The following CPQ variants were observed in gnomAD, a reference collection of about 807,000 sequenced individuals.
The protein encoded by CPQ is carboxypeptidase Q, also known as Ser-Met dipeptidase.
CPQ carries 37 observed loss-of-function variants against 45.7 expected under a neutral mutation model. That is an observed-to-expected ratio of 0.81 (90% CI 0.62 to 1.07). The LOEUF (loss-of-function observed/expected upper bound fraction) is 1.07. Ranked by LOEUF, CPQ falls within the 50% of genes least tolerant of loss-of-function variation. The probability of loss-of-function intolerance (pLI) is 0.00; values close to 1 mark genes in which losing one functional copy is unlikely to be tolerated. For missense variants in CPQ, 537 were observed against 572.9 expected (o/e 0.94, Z 0.64); for synonymous variants, 186 against 205.8 (o/e 0.90, Z 0.82).
intron 3 of CPQ, among the ~76,000 whole-genome samples, chr8:96,870,048 C>T (rs1404456256): frequency 1.3e-5 from 2 of 151,918 alleles, no homozygotes; most frequent in South Asian, 2.1e-4. Flanking sequence ...AAAATAAATA[C>T]AATGCTGAGT....
At chr8:96,987,578 G>C (rs193145747) in intron 5 of CPQ, among the ~76,000 whole-genome samples, 94 of 152,294 alleles carry the variant, frequency 6.2e-4, no homozygotes, top group African/African-American at 2.2e-3. Flanking sequence ...GCGTTTGTCT[G>C]TTTTGTCTGG....
At chr8:96,895,541 A>G (rs1812432536) in intron 4 of CPQ, among the ~76,000 whole-genome samples, 1 of 152,196 alleles carries the variant, frequency 6.6e-6, no homozygotes, top group Admixed American at 6.6e-5. Context: ...GTCATAGTTA[A>G]ATAAATATGT....
chr8:96,880,022 G>T lies in CPQ; in HGVS notation c.849+17G>T, dbSNP rs183452020. 580 of 1,604,690 alleles carry T rather than the reference G, an allele frequency of 3.6e-4. 2 individuals are homozygous for T. The African/African-American group carries it at 6.5e-3, about 18-fold the overall frequency. ...CCAGAACAGGTGAGTGAAGGAGAAG[G>T]CTGGCCTAAGAATACAGTTTCCTGG... On this transcript the variant is annotated intron_variant, in intron 4 of 7. Coordinates refer to ENST00000220763, the MANE Select transcript of CPQ (RefSeq NM_016134.4).
At chr8:96,730,537 G>A (rs1024700375) in intron 1 of CPQ, among the ~76,000 whole-genome samples, 2 of 151,872 alleles carry the variant, frequency 1.3e-5, no homozygotes, top group African/African-American at 2.4e-5. Flanking sequence ...CAGTGGGAGG[G>A]GCCAGCTCAT....
chr8:96,836,542 T>G (rs1213943995), intron 3 of CPQ, among the ~76,000 whole-genome samples: 2 of 152,154 alleles, frequency 1.3e-5, no homozygotes, highest in African/African-American at 2.4e-5. Context: ...ATGATTAAGC[T>G]TCCCAGGAGG....
At chr8:96,694,969 C>T (rs915325652) in intron 1 of CPQ, among the ~76,000 whole-genome samples, 1 of 152,066 alleles carries the variant, frequency 6.6e-6, no homozygotes, top group African/African-American at 2.4e-5. Context: ...CAAAAAAGAG[C>T]CCGCATTGCC....
At chr8:96,914,150 C>A (rs1219930288) in intron 4 of CPQ, among the ~76,000 whole-genome samples, 4 of 152,266 alleles carry the variant, frequency 2.6e-5, no homozygotes, top group Admixed American at 6.5e-5. Flanking sequence ...TGTCATCAGA[C>A]AACTTCACCT....
chr8:97,128,957 T>C (rs937276830), intron 7 of CPQ, among the ~76,000 whole-genome samples: 1 of 152,166 alleles, frequency 6.6e-6, no homozygotes, highest in African/African-American at 2.4e-5. Flanking sequence ...CAGGGGGAAG[T>C]GAGTCTAAAT....
rs577544841 is a variant in CPQ at position 96,741,917 on chromosome 8, G to A, written c.-34-42947G>A. On this transcript the variant is annotated intron_variant, in intron 1 of 7. Coordinates refer to ENST00000220763, the MANE Select transcript of CPQ (RefSeq NM_016134.4). ...CAACTATGTGGTCAATTTTGGAATA[G>A]GTGTGGTGTGGTGCTGAAAAAAATG... 7.8e-4 allele frequency among the ~76,000 whole-genome samples: 112 copies of A among 143,848 alleles called. 1 individual carries two copies. In the East Asian group the frequency reaches 0.021, roughly 26 times the overall value. 94.4% of individuals were successfully genotyped at this position (143,848 alleles called of 152,430 possible).
At chr8:97,094,507 G>C (rs987417985) in intron 7 of CPQ, among the ~76,000 whole-genome samples, 7 of 152,030 alleles carry the variant, frequency 4.6e-5, no homozygotes, top group Non-Finnish European at 1.0e-4. Context: ...CACCACTGAG[G>C]TTATTCTCCT....
At chr8:97,080,922 T>C (rs560474623) in intron 7 of CPQ, among the ~76,000 whole-genome samples, 1 of 150,594 alleles carries the variant, frequency 6.6e-6, no homozygotes, top group African/African-American at 2.5e-5. Flanking sequence ...CTTTCCTTCC[T>C]TCCTTCCTTC....
intron 3 of CPQ, among the ~76,000 whole-genome samples, chr8:96,845,235 T>C (rs1030667003): frequency 1.3e-5 from 2 of 152,218 alleles, no homozygotes; most frequent in African/African-American, 4.8e-5. Flanking sequence ...TTATATTTGG[T>C]AATTTATGTC....
intron 4 of CPQ, among the ~76,000 whole-genome samples, chr8:96,931,528 C>A (rs1409939472): frequency 6.6e-6 from 1 of 152,128 alleles, no homozygotes; most frequent in Admixed American, 6.5e-5. Flanking sequence ...CCTAGGATCA[C>A]CTAGGCTGGG....
At chr8:96,852,110 A>G (rs1441326409) in intron 3 of CPQ, among the ~76,000 whole-genome samples, 2 of 152,168 alleles carry the variant, frequency 1.3e-5, no homozygotes, top group Non-Finnish European at 2.9e-5. Context: ...GCTTCCCAAG[A>G]CTTTGGGAGG....
At chr8:97,013,582 G>T (rs908232292) in intron 5 of CPQ, among the ~76,000 whole-genome samples, 1 of 152,150 alleles carries the variant, frequency 6.6e-6, no homozygotes, top group African/African-American at 2.4e-5. Flanking sequence ...GCTGGATCTT[G>T]TAAGATAGTT....
intron 7 of CPQ, among the ~76,000 whole-genome samples, chr8:97,130,413 G>A (rs913654860): frequency 8.7e-5 from 12 of 137,572 alleles, no homozygotes; most frequent in African/African-American, 2.8e-4. Flanking sequence ...CTCTATCATC[G>A]TCAGCTGTTT....
chr8:96,808,523 T>C (rs1013332130), intron 2 of CPQ, among the ~76,000 whole-genome samples: 6 of 152,158 alleles, frequency 3.9e-5, no homozygotes, highest in African/African-American at 1.4e-4. Context: ...ATCCAAAATA[T>C]TTTTGCTAAA....
chr8:96,723,523 C>G (rs1353849402), intron 1 of CPQ, among the ~76,000 whole-genome samples: 1 of 152,126 alleles, frequency 6.6e-6, no homozygotes, highest in African/African-American at 2.4e-5. Context: ...GCTATTGTGT[C>G]TGAAGAAGGC....
chr8:96,726,863 CAG>C (rs1358551623), intron 1 of CPQ, among the ~76,000 whole-genome samples: 3 of 151,300 alleles, frequency 2.0e-5, no homozygotes, highest in Non-Finnish European at 2.9e-5. Context: ...TGGGACTATG[CAG>C]AGAGTCCACA....
Sources: allele counts gnomAD v4.1 joint callset (sites outside exome capture counted in the v4.1 genomes callset), GRCh38; gene constraint gnomAD v4.1.1; transcripts MANE v1.5; gene names NCBI Gene and HGNC (gene_info 2026-07-23, HGNC 2026-07-21).